The following NRG3 variants were observed in gnomAD, a reference collection of about 807,000 sequenced individuals.
The protein encoded by NRG3 is neuregulin 3.
In NRG3, 31 loss-of-function variants were observed where a neutral mutation model predicts 66.9. That is an observed-to-expected ratio of 0.46 (90% confidence interval 0.35 to 0.63). The LOEUF (loss-of-function observed/expected upper bound fraction) is 0.63. NRG3 is among the 20% of genes least tolerant of loss of function. NRG3 has a pLI of 0.00. For synonymous variants in NRG3, 393 were observed against 359.4 expected (o/e 1.09, Z -1.06); for missense variants, 910 against 878.9 (o/e 1.04, Z -0.45).
chr10:82,877,459 A>G (rs775085204), intron 4 of NRG3, among the ~76,000 whole-genome samples: 6 of 144,608 alleles, frequency 4.1e-5, no homozygotes, highest in Non-Finnish European at 7.4e-5. Flanking sequence ...GGCTCACTGC[A>G]ACCTCTGCCT....
chr10:82,631,557 C>A (rs936831571), intron 2 of NRG3, among the ~76,000 whole-genome samples: 1 of 149,918 alleles, frequency 6.7e-6, no homozygotes, highest in African/African-American at 2.4e-5. Context: ...TTCCATTTGA[C>A]TGTGGGCATC....
intron 1 of NRG3, among the ~76,000 whole-genome samples, chr10:82,151,294 G>A (rs537683128): frequency 1.3e-5 from 2 of 152,276 alleles, no homozygotes; most frequent in South Asian, 4.1e-4. Flanking sequence ...GAATTAATTT[G>A]GGATGGTCTT....
intron 2 of NRG3, among the ~76,000 whole-genome samples, chr10:82,648,487 G>A (rs1027666869): frequency 4.6e-5 from 7 of 152,212 alleles, no homozygotes; most frequent in Non-Finnish European, 1.0e-4. Context: ...TTGGTGTTGC[G>A]GGCTCTTTTT....
chr10:82,511,728 G>A (rs544804393), intron 2 of NRG3, among the ~76,000 whole-genome samples: 3 of 152,276 alleles, frequency 2.0e-5, no homozygotes, highest in South Asian at 4.1e-4. Context: ...AATCCTTCAC[G>A]TAGCCTTGGA....
intron 2 of NRG3, among the ~76,000 whole-genome samples, chr10:82,623,609 G>A (rs868575640): frequency 5.9e-4 from 90 of 152,292 alleles, no homozygotes; most frequent in African/African-American, 2.1e-3. Context: ...CCAAATTGTA[G>A]TACCTGTGAG....
chr10:81,983,853 G>C (rs1337612985), intron 1 of NRG3, among the ~76,000 whole-genome samples: 1 of 152,136 alleles, frequency 6.6e-6, no homozygotes, highest in Non-Finnish European at 1.5e-5. Flanking sequence ...CCCAAAACTT[G>C]TGAATGTTTC....
intron 6 of NRG3, among the ~76,000 whole-genome samples, chr10:82,969,609 T>C: frequency 6.6e-6 from 1 of 152,234 alleles, no homozygotes; most frequent in East Asian, 1.9e-4. Context: ...ACATGGTCAT[T>C]ACTGCCACTA....
At chr10:81,948,743 G>A (rs1353424724) in intron 1 of NRG3, among the ~76,000 whole-genome samples, 1 of 152,138 alleles carries the variant, frequency 6.6e-6, no homozygotes, top group Non-Finnish European at 1.5e-5. Context: ...CAACCTATAG[G>A]CCCATCCTCA....
At chr10:82,830,388 G>T (rs1414788763) in intron 3 of NRG3, among the ~76,000 whole-genome samples, 1 of 152,102 alleles carries the variant, frequency 6.6e-6, no homozygotes, top group African/African-American at 2.4e-5. Flanking sequence ...TAGGACAGTG[G>T]CTCAATATTT....
intron 4 of NRG3, among the ~76,000 whole-genome samples, chr10:82,878,758 A>T (rs117114323): frequency 6.6e-6 from 1 of 152,226 alleles, no homozygotes; most frequent in African/African-American, 2.4e-5. Context: ...TGGATTACAT[A>T]TAACTTTTTC....
At chr10:82,970,380 G>T (rs1449567747) in intron 6 of NRG3, among the ~76,000 whole-genome samples, 1 of 152,084 alleles carries the variant, frequency 6.6e-6, no homozygotes. Flanking sequence ...GCACACTACA[G>T]TCTCTAACTC....
At chr10:82,349,211 C>G (rs2083239855) in intron 1 of NRG3, among the ~76,000 whole-genome samples, 1 of 150,448 alleles carries the variant, frequency 6.6e-6, no homozygotes, top group Non-Finnish European at 1.5e-5. Flanking sequence ...TACTTTTGGT[C>G]TTTGATGATG....
At chr10:82,207,668 G>T (rs2075186858) in intron 1 of NRG3, among the ~76,000 whole-genome samples, 1 of 152,154 alleles carries the variant, frequency 6.6e-6, no homozygotes, top group South Asian at 2.1e-4. Flanking sequence ...CCACATGGCT[G>T]GGAAGGCTCA....
At chr10:82,046,922 CTTGATCATAGTGGATAAGCTTT>C (rs2063327873) in intron 1 of NRG3, among the ~76,000 whole-genome samples, 1 of 139,454 alleles carries the variant, frequency 7.2e-6, no homozygotes, top group African/African-American at 2.5e-5. Context: ...ATGAAGCCCA[CTTGATCATAGTGGATAAGCTTT>C]TTGATGTGCT....
rs112987235 is a variant in NRG3, at chr10:82,083,773, G to GT, written c.823+207618dup. 5.9e-3 allele frequency among the ~76,000 whole-genome samples: 880 copies of GT among 148,400 alleles called. 1 individual carries two copies. Among genetic ancestry groups the GT allele is most frequent in the African/African-American group, 0.012 (494 of 39,966 alleles). ...CCATGCCCGGCTAATGTTTTTTTTT[G>GT]TTTTTTTTGTTTTTTGCATTTTTAA... On this transcript the variant is annotated intron_variant, in intron 1 of 8. Coordinates refer to ENST00000372141, the MANE Select transcript of NRG3 (RefSeq NM_001010848.4).
Position 81,876,088 on chromosome 10 carries a change from G to A in NRG3, c.748G>A (p.Ala250Thr). Residue 250 changes from alanine to threonine, a missense_variant, in exon 1 of 9, where the codon GCT (alanine) becomes ACT (threonine). Transcript: ENST00000372141. ...PSWTLSPFQD[A>T]ASSSSSSSSS... ...CTGGACCCTGTCTCCCTTTCAGGAT[G>A]CTGCCTCCTCTTCTTCCTCTTCTTC... 6.2e-7 allele frequency: 1 copy of A among 1,613,448 alleles called. No individual in the cohort carries two copies. The highest frequency in any genetic ancestry group is 8.5e-7 in the Non-Finnish European group (1 of 1,179,878).
At chr10:82,531,402 A>G (rs992771124) in intron 2 of NRG3, among the ~76,000 whole-genome samples, 3 of 151,692 alleles carry the variant, frequency 2.0e-5, no homozygotes, top group Admixed American at 1.3e-4. Context: ...ATGACAAAAC[A>G]TTTTTTGTTA....
rs138349051 is a variant in NRG3, at chr10:82,539,702, C to T, written c.953+180834C>T. Among the ~76,000 whole-genome samples the T allele has an allele frequency of 1.5e-3, 222 of 151,916 alleles. 3 individuals carry two copies. The East Asian group carries it at 0.037, about 25-fold the overall frequency. ...AGGCTGGAGTGCAGTGGCGGGATCT[C>T]GTCTCATTGCAACCTCCACCTCCTG... On this transcript the variant is annotated intron_variant, in intron 2 of 8. Transcript: ENST00000372141.
chr10:82,462,306 A>G (rs888265572), intron 2 of NRG3, among the ~76,000 whole-genome samples: 4 of 151,768 alleles, frequency 2.6e-5, no homozygotes, highest in Middle Eastern at 3.2e-3. Context: ...GCCTTGGGGG[A>G]TGAGTAGGTA....
Sources: allele counts gnomAD v4.1 joint callset (sites outside exome capture counted in the v4.1 genomes callset), GRCh38; gene constraint gnomAD v4.1.1; transcripts MANE v1.5; gene names NCBI Gene and HGNC (gene_info 2026-07-23, HGNC 2026-07-21).